TRHDE: variants seen among roughly 807,000 people sequenced by gnomAD.
The protein encoded by TRHDE is thyrotropin-releasing hormone-degrading ectoenzyme.
Under a neutral mutation model 125.7 loss-of-function variants are expected in TRHDE, and 72 were observed. That is an observed-to-expected ratio of 0.57 (90% CI 0.47 to 0.70). The LOEUF is 0.70. TRHDE is among the 30% of genes least tolerant of loss of function. The probability of loss-of-function intolerance (pLI) is 0.00; values close to 1 mark genes in which losing one functional copy is unlikely to be tolerated. For missense variants in TRHDE, 1,110 were observed against 1,327.1 expected, an observed-to-expected ratio of 0.84 and a Z score of 2.54; for synonymous variants, 509 against 509.1, an observed-to-expected ratio of 1.00 and a Z score of 0.00.
intron 3 of TRHDE, among the ~76,000 whole-genome samples, chr12:72,382,063 A>G (rs1395054565): frequency 1.3e-5 from 2 of 152,214 alleles, no homozygotes; most frequent in Non-Finnish European, 2.9e-5. Flanking sequence ...TCCCATGCTC[A>G]GAGGTTAAAG....
chr12:72,595,075 G>A (rs1232443356), intron 12 of TRHDE, among the ~76,000 whole-genome samples: 1 of 132,208 alleles, frequency 7.6e-6, no homozygotes, highest in Non-Finnish European at 1.6e-5. Context: ...AGAACACATG[G>A]ACACAAGAAG....
chr12:72,363,366 C>T (rs1202797563), intron 2 of TRHDE, among the ~76,000 whole-genome samples: 1 of 151,804 alleles, frequency 6.6e-6, no homozygotes, highest in Non-Finnish European at 1.5e-5. Context: ...ATGCCAAAAT[C>T]CTCAATAAAA....
intron 5 of TRHDE, among the ~76,000 whole-genome samples, chr12:72,494,503 T>C (rs1483421942): frequency 2.0e-5 from 3 of 152,050 alleles, no homozygotes; most frequent in Non-Finnish European, 4.4e-5. Flanking sequence ...TGGTTGTTTT[T>C]TTTGGTGACA....
chr12:72,303,132 G>A (rs1185081019), intron 2 of TRHDE: 3 of 152,080 alleles, frequency 2.0e-5, no homozygotes, highest in Admixed American at 6.5e-5. Flanking sequence ...ATCAAGACTC[G>A]TTTCTCTCAC....
chr12:72,527,270 C>T (rs1868352035), intron 6 of TRHDE, among the ~76,000 whole-genome samples: 1 of 152,162 alleles, frequency 6.6e-6, no homozygotes, highest in Non-Finnish European at 1.5e-5. Flanking sequence ...TCAAATAAGA[C>T]AGATTGTTCT....
At position 72,669,903 on chromosome 12, in the gene TRHDE, G is replaced by C. The variant is rs550340502; in HGVS notation, c.*6708G>C. 2.6e-5 allele frequency: 4 copies of C among 151,026 alleles called. No homozygotes were observed. Among genetic ancestry groups the C allele is most frequent in the Non-Finnish European group, 5.9e-5 (4 of 67,640 alleles). 9.4% of individuals were successfully genotyped at this position (151,026 alleles called of 1,614,324 possible). Reference sequence around the variant, plus strand: ...AATCCCTTTGCATTTTGATAATATCGAAAACAGATTAGGGCTGAAAAACTA... The same window carrying C: ...AATCCCTTTGCATTTTGATAATATCCAAAACAGATTAGGGCTGAAAAACTA... On this transcript the variant is annotated 3_prime_UTR_variant, in exon 19 of 19. Coordinates refer to ENST00000261180, the MANE Select transcript of TRHDE (RefSeq NM_013381.3).
intron 6 of TRHDE, among the ~76,000 whole-genome samples, chr12:72,503,070 G>A (rs1878220133): frequency 1.3e-5 from 2 of 152,042 alleles, no homozygotes; most frequent in Admixed American, 1.3e-4. Flanking sequence ...AACTATGTTG[G>A]GTTTTGTAGG....
chr12:72,366,364 G>A (rs1871338880), intron 2 of TRHDE, among the ~76,000 whole-genome samples: 1 of 152,088 alleles, frequency 6.6e-6, no homozygotes, highest in African/African-American at 2.4e-5. Context: ...GTAAATAAAT[G>A]TGAAGTGATT....
At chr12:72,164,645 A>C (rs993579042) in intron 2 of TRHDE, among the ~76,000 whole-genome samples, 3 of 152,202 alleles carry the variant, frequency 2.0e-5, no homozygotes, top group African/African-American at 4.8e-5. Flanking sequence ...CGAGCTGGAC[A>C]AGATAACCAC....
chr12:72,173,615 G>A (rs928346396), intron 2 of TRHDE, among the ~76,000 whole-genome samples: 4 of 152,006 alleles, frequency 2.6e-5, no homozygotes, highest in Admixed American at 1.3e-4. Flanking sequence ...AAATTAAAGG[G>A]AACCAATACT....
chr12:72,560,421 G>C (rs2136008420), intron 7 of TRHDE: 1 of 152,314 alleles, frequency 6.6e-6, no homozygotes, highest in African/African-American at 2.4e-5. Context: ...GGATTTTATA[G>C]TATTCCTTTA....
chr12:72,646,139 G>T (rs1300704433), intron 15 of TRHDE, among the ~76,000 whole-genome samples: 1 of 152,000 alleles, frequency 6.6e-6, no homozygotes, highest in Non-Finnish European at 1.5e-5. Flanking sequence ...AATGACAAAA[G>T]TATTAAAATG....
chr12:72,286,708 T>A lies in TRHDE; in HGVS notation c.942T>A (p.Pro314=). 6.2e-7 allele frequency: 1 copy of A among 1,614,046 alleles called. No homozygotes were observed. Among genetic ancestry groups the A allele is most frequent in the Middle Eastern group, 1.6e-4 (1 of 6,062 alleles). The part of the protein sequence containing the change: ...RRFLGVTQFS[P]THARKAFPCF... The stretch of plus-strand genomic sequence containing the variant: ...TCCTTGGTGTTACTCAGTTTTCGCC[T>A]ACACATGCCAGAAAGGCATTTCCTT... Residue 314 remains proline, a synonymous_variant, in exon 2 of 19, where the codon CCT becomes CCA. Transcript: ENST00000261180.
At chr12:72,458,531 T>C (rs1235234024) in intron 3 of TRHDE, among the ~76,000 whole-genome samples, 1 of 152,056 alleles carries the variant, frequency 6.6e-6, no homozygotes, top group Non-Finnish European at 1.5e-5. Flanking sequence ...TCTCCTCCCA[T>C]CTATGTGTTG....
chr12:72,490,223 A>T (rs747821074), intron 5 of TRHDE, among the ~76,000 whole-genome samples: 44 of 152,044 alleles, frequency 2.9e-4, no homozygotes, highest in Admixed American at 5.9e-4. Context: ...CAGCAGATAT[A>T]TGAAAAGATG....
At chr12:72,468,536 C>T (rs574816920) in intron 3 of TRHDE, among the ~76,000 whole-genome samples, 25 of 152,214 alleles carry the variant, frequency 1.6e-4, no homozygotes, top group Non-Finnish European at 3.1e-4. Flanking sequence ...AGACTGTAAA[C>T]ACTATGCTTG....
intron 2 of TRHDE, among the ~76,000 whole-genome samples, chr12:72,248,942 A>G (rs1398455851): frequency 6.6e-6 from 1 of 152,206 alleles, no homozygotes; most frequent in East Asian, 1.9e-4. Flanking sequence ...TTTTTAAAAT[A>G]AAACATAGAT....
chr12:72,587,111 T>C (rs2136043413), intron 12 of TRHDE, among the ~76,000 whole-genome samples: 1 of 152,284 alleles, frequency 6.6e-6, no homozygotes, highest in South Asian at 2.1e-4. Flanking sequence ...AGGGAAATAT[T>C]ACTTATCCTT....
intron 2 of TRHDE, among the ~76,000 whole-genome samples, chr12:72,337,141 A>C (rs1474258661): frequency 6.6e-6 from 1 of 152,178 alleles, no homozygotes; most frequent in African/African-American, 2.4e-5. Flanking sequence ...AGTAACATAC[A>C]CGAAGCCCAC....
Sources: allele counts gnomAD v4.1 joint callset (sites outside exome capture counted in the v4.1 genomes callset), GRCh38; gene constraint gnomAD v4.1.1; transcripts MANE v1.5; gene names NCBI Gene and HGNC (gene_info 2026-07-23, HGNC 2026-07-21).